Variants in ZNF804B observed in about 807,000 individuals in gnomAD.
The protein encoded by ZNF804B is zinc finger 804B.
In ZNF804B, 80 loss-of-function variants were observed where a neutral mutation model predicts 101.4. The observed-to-expected ratio is 0.79, with a 90% CI of 0.66 to 0.95. The LOEUF (loss-of-function observed/expected upper bound fraction) is 0.95. Among genes scored for constraint, ZNF804B ranks in the 40% least tolerant of loss-of-function variants. The pLI, the probability that ZNF804B is intolerant of heterozygous loss-of-function variation, is 0.00. For synonymous variants in ZNF804B, 622 were observed against 558.8 expected, an observed-to-expected ratio of 1.11 and a Z score of -1.59; for missense variants, 1,673 against 1,561.9, an observed-to-expected ratio of 1.07 and a Z score of -1.20.
Position 89,336,679 on chromosome 7 carries a change from G to A in ZNF804B, c.3697G>A (p.Ala1233Thr). 6.2e-7 allele frequency: 1 copy of A among 1,613,952 alleles called. No individual in the cohort carries two copies. The highest frequency in any genetic ancestry group is 8.5e-7 in the Non-Finnish European group (1 of 1,179,994). The change falls in exon 4 of 4, where the codon GCT (alanine) becomes ACT (threonine). Residue 1233 changes from alanine (A) to threonine (T), a missense_variant. By Grantham distance (58) the Ala-to-Thr change is moderately conservative. Coordinates refer to ENST00000333190, the MANE Select transcript of ZNF804B (RefSeq NM_181646.5). The part of the protein sequence containing the change: ...LSSHSSHLPI[A>T]HLHPLSQAHF... ...TTCTCATAGCAGTCACCTCCCTATT[G>A]CTCATCTACATCCTCTTTCACAGGC...
chr7:89,146,738 A>G (rs1790795302), intron 1 of ZNF804B, among the ~76,000 whole-genome samples: 1 of 151,952 alleles, frequency 6.6e-6, no homozygotes, highest in African/African-American at 2.4e-5. Context: ...AATTAATAAG[A>G]TAATTGGCCA....
chr7:89,325,624 G>GAGGTACCCCAAATTTTCAA (rs918360525), intron 2 of ZNF804B, among the ~76,000 whole-genome samples: 3 of 151,890 alleles, frequency 2.0e-5, no homozygotes, highest in Non-Finnish European at 4.4e-5. Context: ...AAAAGAAACA[G>GAGGTACCCCAAATTTTCAA]AGGTACCCCA....
intron 1 of ZNF804B, among the ~76,000 whole-genome samples, chr7:89,057,001 TG>T (rs1789306838): frequency 6.6e-6 from 1 of 152,088 alleles, no homozygotes; most frequent in African/African-American, 2.4e-5. Flanking sequence ...GGAGAAGTCA[TG>T]GGACAGGGAG....
At position 88,794,849 on chromosome 7, in the gene ZNF804B, G is replaced by A. The variant is rs376516144; in HGVS notation, c.108+34765G>A. On this transcript the variant is annotated intron_variant, in intron 1 of 3. Transcript: ENST00000333190. ...AGTCGTTGTTTCTCTTCTTGAAAGT[G>A]CAGGTAATTGCTACGTGGGACTTGG... 22 of 1,613,384 alleles carry A rather than the reference G, an allele frequency of 1.4e-5. No individual in the cohort carries two copies. In the African/African-American group the frequency reaches 2.8e-4, roughly 21 times the overall value.
In ZNF804B at chr7:88,948,188, G is replaced by A. The variant is rs148358595; in HGVS notation, c.108+188104G>A. ...AGGATGGGATTTTAAGACCCTCATAGCAAACATGCCTGGGTATTACTGGGT... is the reference window on the plus strand; with the variant it reads ...AGGATGGGATTTTAAGACCCTCATAACAAACATGCCTGGGTATTACTGGGT... On this transcript the variant is annotated intron_variant, in intron 1 of 3. Coordinates refer to ENST00000333190, the MANE Select transcript of ZNF804B (RefSeq NM_181646.5). Among the ~76,000 whole-genome samples the A allele has an allele frequency of 1.6e-4, 25 of 151,766 alleles. No homozygotes were observed. In the East Asian group the frequency reaches 4.9e-3, roughly 30 times the overall value.
At chr7:89,054,406 G>A (rs1171977506) in intron 1 of ZNF804B, among the ~76,000 whole-genome samples, 1 of 150,818 alleles carries the variant, frequency 6.6e-6, no homozygotes, top group Non-Finnish European at 1.5e-5. Context: ...CATCAGAGTC[G>A]TGCCTGGGAT....
intron 1 of ZNF804B, among the ~76,000 whole-genome samples, chr7:88,947,273 C>T (rs1793148756): frequency 6.6e-6 from 1 of 151,998 alleles, no homozygotes; most frequent in Admixed American, 6.6e-5. Context: ...CCCAAATGCT[C>T]ATCAGTGATA....
chr7:88,884,721 A>G (rs555487194), intron 1 of ZNF804B, among the ~76,000 whole-genome samples: 27 of 152,028 alleles, frequency 1.8e-4, no homozygotes, highest in African/African-American at 6.3e-4. Flanking sequence ...AGTAAATTGC[A>G]TTGTAATTTA....
intron 2 of ZNF804B, among the ~76,000 whole-genome samples, chr7:89,287,279 C>T (rs1264132602): frequency 2.0e-5 from 3 of 152,064 alleles, no homozygotes; most frequent in Non-Finnish European, 4.4e-5. Flanking sequence ...CTAACCCCTG[C>T]ATTTTTCCAT....
intron 1 of ZNF804B, among the ~76,000 whole-genome samples, chr7:88,846,952 ACAC>A (rs989331034): frequency 6.6e-6 from 1 of 151,882 alleles, no homozygotes; most frequent in African/African-American, 2.4e-5. Context: ...ACACACACAC[ACAC>A]ACTAACAATT....
intron 1 of ZNF804B, among the ~76,000 whole-genome samples, chr7:88,952,365 A>G (rs1386082207): frequency 4.0e-5 from 6 of 151,872 alleles, no homozygotes; most frequent in African/African-American, 1.4e-4. Flanking sequence ...TTTTAAAAAT[A>G]AAAGCAATTT....
chr7:89,220,626 A>G (rs1039550144), intron 2 of ZNF804B, among the ~76,000 whole-genome samples: 1 of 151,966 alleles, frequency 6.6e-6, no homozygotes, highest in African/African-American at 2.4e-5. Context: ...TTCAAGATAT[A>G]TGGTCATGCT....
intron 2 of ZNF804B, among the ~76,000 whole-genome samples, chr7:89,228,762 G>T (rs545858995): frequency 2.2e-4 from 34 of 152,298 alleles, no homozygotes; most frequent in East Asian, 5.8e-4. Flanking sequence ...TGCACCATGC[G>T]CCCACACTCC....
intron 1 of ZNF804B, among the ~76,000 whole-genome samples, chr7:88,790,208 G>T (rs942465226): frequency 6.6e-6 from 1 of 151,956 alleles, no homozygotes; most frequent in East Asian, 1.9e-4. Flanking sequence ...TTTTCTGTGG[G>T]TTAAGTTATG....
At chr7:89,278,293 T>C (rs2115859848) in intron 2 of ZNF804B, among the ~76,000 whole-genome samples, 1 of 152,072 alleles carries the variant, frequency 6.6e-6, no homozygotes, top group East Asian at 1.9e-4. Flanking sequence ...TCTCCCATTT[T>C]GTAGGTTGCC....
At chr7:89,156,069 T>A (rs1462347138) in intron 1 of ZNF804B, among the ~76,000 whole-genome samples, 2 of 90,366 alleles carry the variant, frequency 2.2e-5, no homozygotes, top group South Asian at 7.7e-4. Flanking sequence ...TCTTTCTTTC[T>A]TTCTCTCTTT....
intron 1 of ZNF804B, among the ~76,000 whole-genome samples, chr7:88,953,395 A>G (rs1472989801): frequency 2.0e-5 from 3 of 151,770 alleles, no homozygotes; most frequent in African/African-American, 7.2e-5. Flanking sequence ...ATAACCCTCC[A>G]GTTAACACCT....
chr7:89,267,512 G>A (rs1789819006), intron 2 of ZNF804B, among the ~76,000 whole-genome samples: 1 of 152,006 alleles, frequency 6.6e-6, no homozygotes, highest in Non-Finnish European at 1.5e-5. Flanking sequence ...TTCCCTCTAT[G>A]TGTTGATCAA....
At chr7:88,840,195 G>A (rs1791274878) in intron 1 of ZNF804B, among the ~76,000 whole-genome samples, 2 of 152,132 alleles carry the variant, frequency 1.3e-5, no homozygotes, top group Admixed American at 1.3e-4. Flanking sequence ...ACACAGGCAT[G>A]TTTCTTTGTC....
Sources: gnomAD v4.1 joint callset for allele counts (sites outside exome capture counted in the v4.1 genomes callset) on GRCh38, gnomAD v4.1.1 for gene constraint, MANE v1.5 for transcripts, NCBI Gene and HGNC (gene_info 2026-07-23, HGNC 2026-07-21) for gene names.